Variants in GNA12 observed in about 807,000 individuals in gnomAD.
The protein encoded by GNA12 is guanine nucleotide-binding protein subunit alpha-12.
In GNA12, 9 loss-of-function variants were observed where a neutral mutation model predicts 26.0. The observed-to-expected ratio is 0.35, with a 90% CI of 0.21 to 0.60. The LOEUF (loss-of-function observed/expected upper bound fraction) is 0.60, where lower values mean the gene tolerates loss of function less well. Among genes scored for constraint, GNA12 ranks in the 20% least tolerant of loss-of-function variants. GNA12 has a pLI of 0.78. For missense variants in GNA12, 405 were observed against 525.8 expected (o/e 0.77, Z 2.25); for synonymous variants, 264 against 219.6 (o/e 1.20, Z -1.79).
At chr7:2,754,930 C>A (rs939201336) in intron 2 of GNA12, among the ~76,000 whole-genome samples, 7 of 152,236 alleles carry the variant, frequency 4.6e-5, no homozygotes, top group African/African-American at 7.2e-5. Context: ...GCGCTTTACA[C>A]TGAAATCTGT....
Position 2,731,902 on chromosome 7 carries a change from T to C in GNA12, c.577-152A>G. On this transcript the variant is annotated intron_variant, in intron 3 of 3. Coordinates refer to ENST00000275364, the MANE Select transcript of GNA12 (RefSeq NM_007353.3). The surrounding 1 kb of genome is among the most constrained non-coding windows in gnomAD (Gnocchi z 6.0). Reference sequence around the variant, plus strand: ...CAAAAGCAAATTTCATTTATAACATTATCAACTGGCCGTGAAACAGAAAGA... The same window carrying C: ...CAAAAGCAAATTTCATTTATAACATCATCAACTGGCCGTGAAACAGAAAGA... 1 of 515,750 alleles carries C rather than the reference T, an allele frequency of 1.9e-6. No homozygotes were observed. Among genetic ancestry groups the C allele is most frequent in the South Asian group, 3.7e-5 (1 of 26,932 alleles). The allele number at this position is 515,750 out of a possible 1,614,324, so 31.9% of individuals were successfully genotyped here.
chr7:2,825,332 G>A (rs139097547), intron 1 of GNA12, among the ~76,000 whole-genome samples: 84 of 152,278 alleles, frequency 5.5e-4, no homozygotes, highest in African/African-American at 1.9e-3. Flanking sequence ...CACAACACTC[G>A]CTGCTACAAT....
At chr7:2,798,462 T>G (rs369092859) in intron 1 of GNA12, among the ~76,000 whole-genome samples, 1 of 152,276 alleles carries the variant, frequency 6.6e-6, no homozygotes, top group East Asian at 1.9e-4. Flanking sequence ...CAGGTATAAA[T>G]CTAACAAAAT....
chr7:2,761,785 T>C (rs991087415), intron 2 of GNA12, among the ~76,000 whole-genome samples: 57 of 152,290 alleles, frequency 3.7e-4, no homozygotes, highest in African/African-American at 1.3e-3. Flanking sequence ...TCACGTTCAT[T>C]AAAACGTGAA....
chr7:2,826,932 T>A (rs961333687), intron 1 of GNA12, among the ~76,000 whole-genome samples: 3 of 152,162 alleles, frequency 2.0e-5, no homozygotes, highest in African/African-American at 4.8e-5. Context: ...AACTATGGAC[T>A]TCAGTTAATA....
chr7:2,751,223 A>G (rs1791018895), intron 2 of GNA12, among the ~76,000 whole-genome samples: 1 of 152,008 alleles, frequency 6.6e-6, no homozygotes, highest in South Asian at 2.1e-4. Context: ...ATCTTCTCAA[A>G]AAAAACCCCA....
At chr7:2,762,957 G>A in intron 2 of GNA12, 1 of 1,366,334 alleles carries the variant, frequency 7.3e-7, no homozygotes, top group Non-Finnish European at 9.4e-7. Flanking sequence ...GCCCGTGCCA[G>A]GGTCTCCTGC....
chr7:2,743,804 A>T (rs1790627663), intron 2 of GNA12, among the ~76,000 whole-genome samples: 1 of 152,062 alleles, frequency 6.6e-6, no homozygotes, highest in Non-Finnish European at 1.5e-5. Context: ...AGCACCTGGA[A>T]AATTGGGTCA....
chr7:2,743,276 A>G (rs1790600260), intron 2 of GNA12, among the ~76,000 whole-genome samples: 1 of 152,216 alleles, frequency 6.6e-6, no homozygotes, highest in Admixed American at 6.5e-5. Flanking sequence ...TCACCAAGTT[A>G]AATGTCTGCT....
At chr7:2,777,693 G>A (rs1334507715) in intron 2 of GNA12, among the ~76,000 whole-genome samples, 1 of 152,170 alleles carries the variant, frequency 6.6e-6, no homozygotes, top group Non-Finnish European at 1.5e-5. Flanking sequence ...CCACCGGCCA[G>A]CACCTTGATC....
chr7:2,747,257 T>C (rs1790812042), intron 2 of GNA12, among the ~76,000 whole-genome samples: 2 of 152,206 alleles, frequency 1.3e-5, no homozygotes, highest in Non-Finnish European at 2.9e-5. Flanking sequence ...TGAACATTGA[T>C]GCAAAAATCC....
intron 2 of GNA12, among the ~76,000 whole-genome samples, chr7:2,746,185 G>A (rs555403985): frequency 5.4e-4 from 82 of 152,120 alleles, no homozygotes; most frequent in Middle Eastern, 3.4e-3. Flanking sequence ...AGACATCTAC[G>A]GAACTCTCCA....
intron 1 of GNA12, among the ~76,000 whole-genome samples, chr7:2,825,251 C>A (rs1180457938): frequency 2.0e-5 from 3 of 152,126 alleles, no homozygotes; most frequent in Non-Finnish European, 4.4e-5. Context: ...AAATACTGAA[C>A]CTCACTCTCT....
Position 2,795,039 on chromosome 7 carries a change from C to T in GNA12, c.414G>A (p.Ala138=), listed in dbSNP as rs770378497. ...GMFLMAFENK[A]GLPVEPATFQ... ...AGGTGGCCGGCTCCACAGGCAGCCC[C>T]GCCTTGTTCTCGAAGGCCATCAGGA... Residue 138 remains alanine (A), a synonymous_variant, in exon 2 of 4, where the codon GCG becomes GCA. Coordinates refer to ENST00000275364, the MANE Select transcript of GNA12 (RefSeq NM_007353.3). 2.6e-5 allele frequency: 42 copies of T among 1,613,832 alleles called. No individual in the cohort carries two copies. The highest frequency in any genetic ancestry group is 4.0e-5 in the African/African-American group (3 of 74,902).
Position 2,800,134 on chromosome 7 carries a change from T to C in GNA12, c.310-4991A>G, listed in dbSNP as rs535552588. Among the ~76,000 whole-genome samples, 209 of 152,372 alleles carry C rather than the reference T, an allele frequency of 1.4e-3. 1 individual carries two copies. The highest frequency in any genetic ancestry group is 3.3e-3 in the Admixed American group (51 of 15,308). ...AAGCAAGCTGTGGTGCACCATACCA[T>C]GGACCATTACCCAGCAACAAATGGG... On this transcript the variant is annotated intron_variant, in intron 1 of 3. Transcript: ENST00000275364.
At chr7:2,738,208 A>G (rs1790306262) in intron 2 of GNA12, among the ~76,000 whole-genome samples, 1 of 152,108 alleles carries the variant, frequency 6.6e-6, no homozygotes, top group East Asian at 1.9e-4. Context: ...TGAGGTCAGG[A>G]GTTCGAGACA....
chr7:2,745,058 G>C (rs1489477097), intron 2 of GNA12, among the ~76,000 whole-genome samples: 1 of 152,234 alleles, frequency 6.6e-6, no homozygotes, highest in East Asian at 1.9e-4. Flanking sequence ...GTACCTGAAA[G>C]TGACAGGGAG....
intron 1 of GNA12, among the ~76,000 whole-genome samples, chr7:2,821,345 G>A (rs1030156565): frequency 6.6e-6 from 1 of 152,200 alleles, no homozygotes; most frequent in South Asian, 2.1e-4. Flanking sequence ...AAAAGACCAT[G>A]AGAATGAATT....
chr7:2,744,299 C>T (rs1273953360), intron 2 of GNA12, among the ~76,000 whole-genome samples: 13 of 152,184 alleles, frequency 8.5e-5, no homozygotes, highest in Admixed American at 6.5e-5. Flanking sequence ...CTCACACGGC[C>T]GGGTACTCCT....
Sources: allele counts gnomAD v4.1 joint callset (sites outside exome capture counted in the v4.1 genomes callset), GRCh38; gene constraint gnomAD v4.1.1; non-coding constraint Gnocchi (gnomAD v3.1); transcripts MANE v1.5; gene names NCBI Gene and HGNC (gene_info 2026-07-23, HGNC 2026-07-21).